The following ADAMTS12 variants were observed in gnomAD, a reference collection of about 807,000 sequenced individuals.
The protein encoded by ADAMTS12 is A disintegrin and metalloproteinase with thrombospondin motifs 12.
In ADAMTS12, 118 loss-of-function variants were observed where a neutral mutation model predicts 167.8. The ratio of observed to expected loss-of-function variants is 0.70; its 90% CI spans 0.61 to 0.82. ADAMTS12 has a LOEUF of 0.82. Ranked by LOEUF, ADAMTS12 falls within the 40% of genes least tolerant of loss-of-function variation. The pLI, the probability that ADAMTS12 is intolerant of heterozygous loss-of-function variation, is 0.00. For synonymous variants in ADAMTS12, 704 were observed against 716.9 expected (o/e 0.98, Z 0.29); for missense variants, 1,916 against 1,998.8 (o/e 0.96, Z 0.79).
chr5:33,622,302 T>C (rs988759855), intron 14 of ADAMTS12, among the ~76,000 whole-genome samples: 3 of 152,124 alleles, frequency 2.0e-5, no homozygotes, highest in African/African-American at 7.2e-5. Flanking sequence ...AATTGAGTTA[T>C]CATAATATTA....
At chr5:33,789,783 C>T (rs924723175) in intron 2 of ADAMTS12, among the ~76,000 whole-genome samples, 1 of 152,272 alleles carries the variant, frequency 6.6e-6, no homozygotes, top group Non-Finnish European at 1.5e-5. Context: ...AAGTCCATTT[C>T]CCCACAGTGC....
chr5:33,623,615 G>A (rs1227805112), intron 14 of ADAMTS12, among the ~76,000 whole-genome samples: 3 of 152,210 alleles, frequency 2.0e-5, no homozygotes, highest in Non-Finnish European at 2.9e-5. Flanking sequence ...AGTAAAGCGT[G>A]GGTAAGAAGG....
chr5:33,619,627 T>C (rs1332801255), intron 14 of ADAMTS12, among the ~76,000 whole-genome samples: 1 of 152,188 alleles, frequency 6.6e-6, no homozygotes, highest in Non-Finnish European at 1.5e-5. Flanking sequence ...TCCTTCCTTT[T>C]GCTTTAAGTT....
intron 2 of ADAMTS12, among the ~76,000 whole-genome samples, chr5:33,798,227 T>C (rs536849206): frequency 6.6e-6 from 1 of 152,108 alleles, no homozygotes; most frequent in Admixed American, 6.5e-5. Flanking sequence ...ATATTAGTCT[T>C]TTAGGGCTGC....
chr5:33,708,987 A>G (rs978737893), intron 3 of ADAMTS12, among the ~76,000 whole-genome samples: 1 of 152,180 alleles, frequency 6.6e-6, no homozygotes, highest in East Asian at 1.9e-4. Flanking sequence ...ACAAAACAAA[A>G]CAAAAACAAA....
At chr5:33,843,333 G>A (rs1748816359) in intron 2 of ADAMTS12, among the ~76,000 whole-genome samples, 1 of 152,088 alleles carries the variant, frequency 6.6e-6, no homozygotes, top group African/African-American at 2.4e-5. Context: ...AAGCTAAGGT[G>A]GACAGCCCCA....
intron 5 of ADAMTS12, among the ~76,000 whole-genome samples, chr5:33,672,412 A>C (rs758767763): frequency 6.6e-6 from 1 of 152,150 alleles, no homozygotes; most frequent in Non-Finnish European, 1.5e-5. Context: ...ACATGGATAC[A>C]TCCATGCTAA....
chr5:33,830,747 A>T (rs923069121), intron 2 of ADAMTS12, among the ~76,000 whole-genome samples: 1 of 152,052 alleles, frequency 6.6e-6, no homozygotes, highest in Non-Finnish European at 1.5e-5. Flanking sequence ...AGCCATGATT[A>T]CACCACCGCA....
intron 16 of ADAMTS12, among the ~76,000 whole-genome samples, chr5:33,612,625 T>C (rs1304597496): frequency 6.6e-6 from 1 of 152,224 alleles, no homozygotes; most frequent in Non-Finnish European, 1.5e-5. Context: ...AAAGTATTTA[T>C]ATCTATAGTC....
In ADAMTS12 at chr5:33,549,243, C is replaced by CTCCGGGT; in HGVS notation, c.4259_4265dup (p.Cys1424GlyfsTer4). 6.2e-7 allele frequency: 1 copy of CTCCGGGT among 1,614,174 alleles called. No individual in the cohort carries two copies. The highest frequency in any genetic ancestry group is 8.5e-7 in the Non-Finnish European group (1 of 1,180,006). On this transcript the variant is annotated frameshift_variant, in exon 21 of 24. Transcript: ENST00000504830. LOFTEE classifies it high-confidence loss of function. ...GCTCCACCTGCCACGCCTCACAGGG[C>CTCCGGGT]TCCGGGTTACAGCTCATGCTCAATG...
At chr5:33,772,375 C>T (rs1745770879) in intron 2 of ADAMTS12, among the ~76,000 whole-genome samples, 1 of 152,160 alleles carries the variant, frequency 6.6e-6, no homozygotes, top group Admixed American at 6.5e-5. Flanking sequence ...ACCCATCTCA[C>T]AGTCCTCAAC....
chr5:33,634,717 A>G (rs1323094355), intron 12 of ADAMTS12, among the ~76,000 whole-genome samples: 1 of 152,170 alleles, frequency 6.6e-6, no homozygotes, highest in Admixed American at 6.6e-5. Flanking sequence ...ATACATAGAA[A>G]TATGTATTAG....
intron 20 of ADAMTS12, among the ~76,000 whole-genome samples, chr5:33,554,153 AAAGCT>A (rs1206760853): frequency 6.6e-6 from 1 of 152,268 alleles, no homozygotes; most frequent in Non-Finnish European, 1.5e-5. Flanking sequence ...TAAAGGAGTC[AAAGCT>A]TGAGCTGAAT....
chr5:33,661,831 C>G, intron 6 of ADAMTS12, 85 bp downstream of exon 6: 3 of 1,563,032 alleles, frequency 1.9e-6, no homozygotes, highest in Non-Finnish European at 2.6e-6. Flanking sequence ...GTGAGAATGT[C>G]ATGGGTTTGA....
intron 16 of ADAMTS12, among the ~76,000 whole-genome samples, chr5:33,604,736 A>G (rs1738356467): frequency 6.6e-6 from 1 of 152,110 alleles, no homozygotes; most frequent in Admixed American, 6.6e-5. Context: ...TGGTCCTGAA[A>G]TGAGGCTCTG....
chr5:33,624,247 C>T lies in ADAMTS12; in HGVS notation c.2127G>A (p.Lys709=). ...SSCQTVRKMF[K]QKEGSGYVDI... ...GTTTATTACCAGATCCTTCCTTCTG[C>T]TTAAACATCTTTCTCACAGTCTGGC... is the stretch of plus-strand genomic sequence containing the variant. Residue 709 remains lysine (K), a synonymous_variant, in exon 14 of 24, where the codon AAG becomes AAA. Coordinates refer to ENST00000504830, the MANE Select transcript of ADAMTS12 (RefSeq NM_030955.4). 6.2e-7 allele frequency: 1 copy of T among 1,614,100 alleles called. No individual in the cohort carries two copies. The highest frequency in any genetic ancestry group is 1.1e-5 in the South Asian group (1 of 91,080).
At position 33,891,845 on chromosome 5, in the gene ADAMTS12, G is replaced by A; in HGVS notation, c.12C>T (p.Ala4=). The A allele has an allele frequency of 1.2e-6, 2 of 1,614,070 alleles. No homozygotes were observed. The highest frequency in any genetic ancestry group is 1.7e-6 in the Non-Finnish European group (2 of 1,180,000). The part of the protein sequence containing the change: MPC[A]QRSWLANLSV... Reference sequence around the variant, plus strand: ...AAAGGTTTGCAAGCCAGCTCCTCTGGGCACATGGCATGATTCAGATGTTGA... The same window carrying A: ...AAAGGTTTGCAAGCCAGCTCCTCTGAGCACATGGCATGATTCAGATGTTGA... The change falls in exon 1 of 24, where the codon GCC becomes GCT. Residue 4 remains alanine, a synonymous_variant. Coordinates refer to ENST00000504830, the MANE Select transcript of ADAMTS12 (RefSeq NM_030955.4).
In ADAMTS12 at chr5:33,782,083, TG is replaced by T. The variant is rs1437003292; in HGVS notation, c.490-30536del. Among the ~76,000 whole-genome samples the T allele has an allele frequency of 1.4e-4, 21 of 152,126 alleles. No homozygotes were observed. The East Asian group carries it at 3.9e-3, about 28-fold the overall frequency. On this transcript the variant is annotated intron_variant, in intron 2 of 23. Transcript: ENST00000504830. ...CACAGCAATAAATAAAGATCTGAAA[TG>T]ACAAATATAACAATTTTCTATTTTC...
chr5:33,649,013 T>C (rs766879575), intron 8 of ADAMTS12, 47 bp from the exon 9 acceptor site: 1 of 1,602,546 alleles, frequency 6.2e-7, no homozygotes, highest in Non-Finnish European at 8.5e-7. Flanking sequence ...AGGATTCCCT[T>C]TACCTTCAGC....
Sources: allele counts gnomAD v4.1 joint callset (sites outside exome capture counted in the v4.1 genomes callset), GRCh38; gene constraint gnomAD v4.1.1; transcripts MANE v1.5; gene names NCBI Gene and HGNC (gene_info 2026-07-23, HGNC 2026-07-21).